The following LRRTM4 variants were observed in gnomAD, a reference collection of about 807,000 sequenced individuals.
LRRTM4 encodes the protein leucine-rich repeat transmembrane neuronal protein 4.
A neutral mutation model predicts 47.6 loss-of-function variants in LRRTM4; 25 were observed. The observed-to-expected ratio is 0.53, with a 90% confidence interval of 0.38 to 0.73. The LOEUF (loss-of-function observed/expected upper bound fraction) is 0.73, where lower values mean the gene tolerates loss of function less well. Among genes scored for constraint, LRRTM4 ranks in the 30% least tolerant of loss-of-function variants. The pLI is 0.00. For synonymous variants in LRRTM4, 311 were observed against 269.5 expected (o/e 1.15, Z -1.51); for missense variants, 638 against 713.4 (o/e 0.89, Z 1.20).
chr2:77,322,760 T>A (rs930915885), intron 3 of LRRTM4, among the ~76,000 whole-genome samples: 27 of 149,582 alleles, frequency 1.8e-4, no homozygotes, highest in African/African-American at 5.9e-4. Context: ...AAAAATCTAT[T>A]TGATTTTGTT....
intron 3 of LRRTM4, among the ~76,000 whole-genome samples, chr2:76,997,444 T>C (rs115546732): frequency 1.1e-4 from 16 of 152,090 alleles, no homozygotes; most frequent in Non-Finnish European, 4.4e-5. Context: ...TCAGGCCTCA[T>C]CACGCATGAA....
At chr2:77,176,861 CCAAAACAAAGATGGCCA>C (rs1157679365) in intron 3 of LRRTM4, among the ~76,000 whole-genome samples, 1 of 152,060 alleles carries the variant, frequency 6.6e-6, no homozygotes, top group Non-Finnish European at 1.5e-5. Context: ...TCAAAACCTG[CCAAAACAAAGATGGCCA>C]CAAAAGTGAC....
chr2:77,030,669 A>G (rs1249908497), intron 3 of LRRTM4, among the ~76,000 whole-genome samples: 1 of 151,758 alleles, frequency 6.6e-6, no homozygotes, highest in African/African-American at 2.4e-5. Context: ...ATAAAGAACA[A>G]TTTAATTCTT....
intron 3 of LRRTM4, among the ~76,000 whole-genome samples, chr2:77,388,413 C>T (rs1388661583): frequency 2.0e-5 from 3 of 152,116 alleles, no homozygotes; most frequent in Admixed American, 6.6e-5. Context: ...CTCATAGTTA[C>T]ATTGACAAGG....
At chr2:77,027,621 A>C (rs765979876) in intron 3 of LRRTM4, among the ~76,000 whole-genome samples, 2 of 152,190 alleles carry the variant, frequency 1.3e-5, no homozygotes, top group Non-Finnish European at 2.9e-5. Context: ...TAAATGCATA[A>C]TGTGCTTTCT....
rs557860172 is a variant in LRRTM4, at chr2:77,030,117, T to G, written c.1552-281201A>C. On this transcript the variant is annotated intron_variant, in intron 3 of 3. Transcript: ENST00000409884. Reference sequence around the variant, plus strand: ...ACACAAGTTCCAATTATCACAGATTTAACAACAAAAATGAAGTGATAAAAA... The same window carrying G: ...ACACAAGTTCCAATTATCACAGATTGAACAACAAAAATGAAGTGATAAAAA... Among the ~76,000 whole-genome samples, 12 of 152,266 alleles carry G rather than the reference T, an allele frequency of 7.9e-5. No individual in the cohort carries two copies. The South Asian group carries it at 1.2e-3, about 16-fold the overall frequency.
chr2:76,937,009 C>T (rs1009523186), intron 3 of LRRTM4, among the ~76,000 whole-genome samples: 1 of 88,224 alleles, frequency 1.1e-5, no homozygotes, highest in Non-Finnish European at 2.2e-5. Context: ...TATGTGAAAA[C>T]ATATCATCTT....
chr2:77,325,861 A>C (rs6753318), intron 3 of LRRTM4, among the ~76,000 whole-genome samples: 30,765 of 152,114 alleles, frequency 0.2, 3,434 homozygotes, highest in East Asian at 0.42. Flanking sequence ...TTTGCTTCTG[A>C]AGAGCTTCAG....
intron 3 of LRRTM4, among the ~76,000 whole-genome samples, chr2:76,892,012 G>T (rs997625376): frequency 2.0e-5 from 3 of 150,686 alleles, no homozygotes; most frequent in African/African-American, 7.4e-5. Flanking sequence ...TAAAAAAATT[G>T]CAGAATAGCC....
intron 3 of LRRTM4, among the ~76,000 whole-genome samples, chr2:77,284,806 A>G (rs1221525397): frequency 6.6e-6 from 1 of 152,104 alleles, no homozygotes; most frequent in Non-Finnish European, 1.5e-5. Flanking sequence ...AAATCAAAGG[A>G]AAGTGTATGT....
intron 3 of LRRTM4, among the ~76,000 whole-genome samples, chr2:77,079,188 C>A (rs1275009981): frequency 3.3e-5 from 5 of 152,158 alleles, no homozygotes; most frequent in African/African-American, 1.2e-4. Context: ...TGTTTTCTGC[C>A]AGTAATAGAT....
chr2:76,934,114 T>C (rs985318267), intron 3 of LRRTM4, among the ~76,000 whole-genome samples: 3 of 152,276 alleles, frequency 2.0e-5, no homozygotes, highest in East Asian at 3.9e-4. Context: ...TAAAGAACCT[T>C]ACTCTGCAGA....
intron 3 of LRRTM4, among the ~76,000 whole-genome samples, chr2:77,287,536 A>C (rs1676699297): frequency 1.3e-5 from 2 of 152,098 alleles, no homozygotes; most frequent in African/African-American, 2.4e-5. Flanking sequence ...GAAAATAACA[A>C]ATAGAAAATT....
chr2:77,413,983 A>G (rs1033053115), intron 3 of LRRTM4, among the ~76,000 whole-genome samples: 20 of 152,286 alleles, frequency 1.3e-4, no homozygotes, highest in African/African-American at 4.8e-4. Flanking sequence ...AGCAGAGTTC[A>G]CTACAAATCC....
At chr2:77,046,550 A>C (rs151063530) in intron 3 of LRRTM4, among the ~76,000 whole-genome samples, 4 of 152,108 alleles carry the variant, frequency 2.6e-5, no homozygotes, top group Admixed American at 6.6e-5. Flanking sequence ...TGGCAGAATG[A>C]CTAGAGTATA....
chr2:77,070,007 C>A (rs772057397), intron 3 of LRRTM4, among the ~76,000 whole-genome samples: 2 of 151,944 alleles, frequency 1.3e-5, no homozygotes, highest in Non-Finnish European at 2.9e-5. Flanking sequence ...GAAAACAAGC[C>A]TTTTGAATTA....
chr2:77,081,965 T>C (rs765776996), intron 3 of LRRTM4, among the ~76,000 whole-genome samples: 3 of 152,258 alleles, frequency 2.0e-5, no homozygotes, highest in East Asian at 1.9e-4. Context: ...TATCTAAATT[T>C]CATCACAAAG....
rs1016037856 is a variant in LRRTM4 at position 76,748,942 on chromosome 2, G to T, written c.1552-26C>A. 4 of 1,589,122 alleles carry T rather than the reference G, an allele frequency of 2.5e-6. No homozygotes were observed. In the African/African-American group the frequency reaches 4.0e-5, roughly 16 times the overall value. ...CTGGATATGAGAAATAGAAAGATGG[G>T]TGGATTATAAAATTGCTTTGGAAAG... On this transcript the variant is annotated intron_variant, in intron 3 of 3. Coordinates refer to ENST00000409884, the MANE Select transcript of LRRTM4 (RefSeq NM_001134745.3).
At chr2:76,943,360 C>A (rs761949371) in intron 3 of LRRTM4, among the ~76,000 whole-genome samples, 3 of 152,076 alleles carry the variant, frequency 2.0e-5, no homozygotes, top group Non-Finnish European at 4.4e-5. Flanking sequence ...AGCGTGAACC[C>A]GGGAGGCAGA....
Sources: gnomAD v4.1 joint callset for allele counts (sites outside exome capture counted in the v4.1 genomes callset) on GRCh38, gnomAD v4.1.1 for gene constraint, MANE v1.5 for transcripts, NCBI Gene and HGNC (gene_info 2026-07-23, HGNC 2026-07-21) for gene names.